MTR: variants seen among roughly 807,000 people sequenced by gnomAD.
MTR encodes the protein methionine synthase.
In MTR, 84 loss-of-function variants were observed where a neutral mutation model predicts 154.8. The observed-to-expected ratio is 0.54, with a 90% CI of 0.45 to 0.65. MTR has a LOEUF of 0.65. Ranked by LOEUF, MTR falls within the 30% of genes least tolerant of loss-of-function variation. MTR has a pLI of 0.00. For missense variants in MTR, 1,275 were observed against 1,570.2 expected, an observed-to-expected ratio of 0.81 and a Z score of 3.18; for synonymous variants, 554 against 553.9, an observed-to-expected ratio of 1.00 and a Z score of 0.00.
At chr1:236,887,803 T>C (rs959058592) in intron 27 of MTR, among the ~76,000 whole-genome samples, 2 of 152,238 alleles carry the variant, frequency 1.3e-5, no homozygotes, top group African/African-American at 4.8e-5. Flanking sequence ...GGGTTTTCTT[T>C]TACGGCCCTG....
intron 2 of MTR, among the ~76,000 whole-genome samples, chr1:236,805,247 G>A (rs950830289): frequency 1.3e-5 from 2 of 152,126 alleles, no homozygotes; most frequent in African/African-American, 2.4e-5. Flanking sequence ...AGGGAGACGA[G>A]TTTCGAAGAG....
chr1:236,854,422 A>AT (rs1664086763), intron 18 of MTR, among the ~76,000 whole-genome samples: 1 of 152,188 alleles, frequency 6.6e-6, no homozygotes. Flanking sequence ...CATTCCATAG[A>AT]TTTTTAATTT....
chr1:236,900,254 C>A lies in MTR; in HGVS notation c.*2610C>A. ...AGTAGTGGAAATGAGTGAACTACAG[C>A]TATACCTCACAATAAGAATGAATCT... On this transcript the variant is annotated 3_prime_UTR_variant, in exon 33 of 33. Coordinates refer to ENST00000366577, the MANE Select transcript of MTR (RefSeq NM_000254.3). 1 of 274,428 alleles carries A rather than the reference C, an allele frequency of 3.6e-6. No homozygotes were observed. The allele number at this position is 274,428 out of a possible 1,614,324, so 17.0% of individuals were successfully genotyped here.
At chr1:236,815,225 C>G (rs955399470) in intron 6 of MTR, among the ~76,000 whole-genome samples, 1 of 152,176 alleles carries the variant, frequency 6.6e-6, no homozygotes. Flanking sequence ...AGTGCAGTGG[C>G]ATAATCACAG....
At chr1:236,820,283 C>G in intron 8 of MTR, 1 of 753,780 alleles carries the variant, frequency 1.3e-6, no homozygotes, top group Non-Finnish European at 2.4e-6. Context: ...GAGCAGGCTG[C>G]TACTGAAAAG....
chr1:236,815,442 G>T (rs1366176834), intron 6 of MTR, among the ~76,000 whole-genome samples, 162 bp from the exon 7 acceptor site: 3 of 152,186 alleles, frequency 2.0e-5, no homozygotes, highest in Admixed American at 6.6e-5. Flanking sequence ...TGAGAAAGGG[G>T]TGCTGGGGTT....
chr1:236,846,360 T>A (rs1187549381), intron 15 of MTR, among the ~76,000 whole-genome samples: 2 of 151,546 alleles, frequency 1.3e-5, no homozygotes, highest in Non-Finnish European at 3.0e-5. Flanking sequence ...ACGTGAAGTG[T>A]CTTAGAAATA....
chr1:236,868,132 G>C (rs1386555398), intron 22 of MTR, among the ~76,000 whole-genome samples: 1 of 152,124 alleles, frequency 6.6e-6, no homozygotes, highest in Non-Finnish European at 1.5e-5. Flanking sequence ...AAACTTCACT[G>C]TCGTCTTATT....
Position 236,895,507 on chromosome 1 carries a change from GA to G in MTR, c.3557del (p.Lys1186SerfsTer18), listed in dbSNP as rs1310240761. On this transcript the variant is annotated frameshift_variant, in exon 31 of 33. Coordinates refer to ENST00000366577, the MANE Select transcript of MTR (RefSeq NM_000254.3). LOFTEE classifies it high-confidence loss of function. ...ACCCCAGCCAGCCCGACCACACCGAGAAGCTCACCATGTGGAGACTCGCAGA... is the reference window on the plus strand; with the variant it reads ...ACCCCAGCCAGCCCGACCACACCGAGAGCTCACCATGTGGAGACTCGCAGA... Reference protein sequence around the residue: ...GYPSQPDHTEKLTMWRLADIE... With the variant: ...GYPSQPDHTEXLTMWRLADIE... 1.9e-6 allele frequency: 3 copies of G among 1,593,490 alleles called. No individual in the cohort carries two copies. In the South Asian group the frequency reaches 3.4e-5, roughly 18 times the overall value.
intron 27 of MTR, among the ~76,000 whole-genome samples, chr1:236,887,576 CA>C (rs1666085074): frequency 6.6e-6 from 1 of 152,150 alleles, no homozygotes; most frequent in South Asian, 2.1e-4. Context: ...TTCAAACATC[CA>C]AAACGTATTT....
intron 3 of MTR, among the ~76,000 whole-genome samples, chr1:236,808,335 T>C: frequency 6.6e-6 from 1 of 152,214 alleles, no homozygotes; most frequent in East Asian, 1.9e-4. Context: ...GACTAGTGCT[T>C]GAACCTGCGT....
chr1:236,900,497 T>C lies in MTR; in HGVS notation c.*2853T>C, dbSNP rs2147975389. 6.5e-6 allele frequency: 1 copy of C among 154,976 alleles called. No homozygotes were observed. Among genetic ancestry groups the C allele is most frequent in the Middle Eastern group, 3.3e-3 (1 of 300 alleles). 9.6% of individuals were successfully genotyped at this position (154,976 alleles called of 1,614,324 possible). ...AGTGGAAGGGACAGGAGCACATAGG[T>C]AGATGCCAAGTTATGCAGCTGTTCT... is the stretch of plus-strand genomic sequence containing the variant. On this transcript the variant is annotated 3_prime_UTR_variant, in exon 33 of 33. Coordinates refer to ENST00000366577, the MANE Select transcript of MTR (RefSeq NM_000254.3).
chr1:236,892,179 A>G (rs1666364931), intron 29 of MTR, among the ~76,000 whole-genome samples: 1 of 152,200 alleles, frequency 6.6e-6, no homozygotes, highest in Non-Finnish European at 1.5e-5. Flanking sequence ...TCGTTCAGAA[A>G]TAATAATGTT....
At chr1:236,822,766 T>C (rs1466123144) in intron 8 of MTR, among the ~76,000 whole-genome samples, 1 of 152,238 alleles carries the variant, frequency 6.6e-6, no homozygotes, top group Non-Finnish European at 1.5e-5. Flanking sequence ...TAAACAATCA[T>C]GTCATTTGTG....
At chr1:236,856,146 G>A (rs1664189035) in intron 18 of MTR, among the ~76,000 whole-genome samples, 1 of 152,042 alleles carries the variant, frequency 6.6e-6, no homozygotes, top group Non-Finnish European at 1.5e-5. Flanking sequence ...CACCCCATAA[G>A]TCTGGTACAT....
chr1:236,872,868 G>A lies in MTR; in HGVS notation c.2406-905G>A, dbSNP rs186816433. Among the ~76,000 whole-genome samples, 851 of 152,308 alleles carry A rather than the reference G, an allele frequency of 5.6e-3. 11 individuals carry two copies. Among genetic ancestry groups the A allele is most frequent in the African/African-American group, 0.019 (797 of 41,556 alleles). Reference sequence around the variant, plus strand: ...AAACTGTAAAAATTAGCTGGGTTTAGTGGGGCATGCCTGTGGTCCCAGCTA... The same window carrying A: ...AAACTGTAAAAATTAGCTGGGTTTAATGGGGCATGCCTGTGGTCCCAGCTA... On this transcript the variant is annotated intron_variant, in intron 22 of 32. Coordinates refer to ENST00000366577, the MANE Select transcript of MTR (RefSeq NM_000254.3).
chr1:236,796,413 A>G (rs377389813), intron 1 of MTR, among the ~76,000 whole-genome samples: 1 of 152,226 alleles, frequency 6.6e-6, no homozygotes. Context: ...CTAGATCTCT[A>G]AGGTCATGCC....
chr1:236,898,836 A>G lies in MTR; in HGVS notation c.*1192A>G, dbSNP rs983867354. 1 of 152,140 alleles carries G rather than the reference A, an allele frequency of 6.6e-6. No individual in the cohort carries two copies. Among genetic ancestry groups the G allele is most frequent in the African/African-American group, 2.4e-5 (1 of 41,430 alleles). The allele number at this position is 152,140 out of a possible 1,614,324, so 9.4% of individuals were successfully genotyped here. A position where few individuals can be genotyped will look rare whatever the true frequency, so the allele number is the denominator to read the frequency against. ...ATTTCTTACCATTTTATTCCCCTCA[A>G]TTCTCAATATATTCAGTAATGAAGA... On this transcript the variant is annotated 3_prime_UTR_variant, in exon 33 of 33. Transcript: ENST00000366577.
chr1:236,843,283 G>A (rs1246424149), intron 15 of MTR, among the ~76,000 whole-genome samples: 1 of 152,084 alleles, frequency 6.6e-6, no homozygotes, highest in Non-Finnish European at 1.5e-5. Flanking sequence ...AAATGTAGGG[G>A]AAGAGTGTTC....
Sources: allele counts gnomAD v4.1 joint callset (sites outside exome capture counted in the v4.1 genomes callset), GRCh38; gene constraint gnomAD v4.1.1; transcripts MANE v1.5; gene names NCBI Gene and HGNC (gene_info 2026-07-23, HGNC 2026-07-21).